Variants in RABGAP1L observed in about 807,000 individuals in gnomAD.
The protein encoded by RABGAP1L is rab GTPase-activating protein 1-like.
A neutral mutation model predicts 137.7 loss-of-function variants in RABGAP1L; 63 were observed. The observed-to-expected ratio is 0.46, with a 90% CI of 0.37 to 0.56. The LOEUF is 0.56. RABGAP1L is among the 20% of genes least tolerant of loss of function. The pLI is 0.00. For missense variants in RABGAP1L, 1,095 were observed against 1,244.0 expected (o/e 0.88, Z 1.80); for synonymous variants, 431 against 433.7 (o/e 0.99, Z 0.08).
chr1:174,165,820 T>G (rs1308499179), intron 1 of RABGAP1L, among the ~76,000 whole-genome samples: 2 of 152,040 alleles, frequency 1.3e-5, no homozygotes, highest in Non-Finnish European at 2.9e-5. Flanking sequence ...CTTTGAAGAA[T>G]GGGTAGGATT....
intron 13 of RABGAP1L, among the ~76,000 whole-genome samples, chr1:174,462,089 A>T (rs1430832443): frequency 6.6e-6 from 1 of 152,136 alleles, no homozygotes; most frequent in African/African-American, 2.4e-5. Flanking sequence ...TTCTTGTAAA[A>T]TATGGTTTTG....
chr1:174,422,582 A>C (rs945292088), intron 13 of RABGAP1L, among the ~76,000 whole-genome samples: 2 of 152,154 alleles, frequency 1.3e-5, no homozygotes, highest in Non-Finnish European at 2.9e-5. Flanking sequence ...ATGCAAATAC[A>C]GGCCCAAGAG....
intron 13 of RABGAP1L, among the ~76,000 whole-genome samples, chr1:174,627,345 C>G (rs1673002549): frequency 6.6e-6 from 1 of 152,172 alleles, no homozygotes; most frequent in Non-Finnish European, 1.5e-5. Flanking sequence ...AGCTGTCTTC[C>G]TAATGCTTGT....
chr1:174,341,693 TAA>T (rs969388167), intron 11 of RABGAP1L, among the ~76,000 whole-genome samples: 2 of 152,220 alleles, frequency 1.3e-5, no homozygotes, highest in African/African-American at 4.8e-5. Flanking sequence ...CTTTGATTTC[TAA>T]AGTTTTAAGC....
At chr1:174,799,904 A>G (rs1573250462) in intron 18 of RABGAP1L, 4 of 989,652 alleles carry the variant, frequency 4.0e-6, no homozygotes, top group Non-Finnish European at 4.8e-6. Flanking sequence ...CTTCTCACAC[A>G]TAGACACGCA....
At chr1:174,802,044 A>G (rs1360198909) in intron 18 of RABGAP1L, among the ~76,000 whole-genome samples, 1 of 152,216 alleles carries the variant, frequency 6.6e-6, no homozygotes, top group Non-Finnish European at 1.5e-5. Context: ...GTAATTAAGA[A>G]TATTTTGCAT....
intron 13 of RABGAP1L, among the ~76,000 whole-genome samples, chr1:174,464,620 C>T (rs1159205500): frequency 6.6e-6 from 1 of 151,914 alleles, no homozygotes; most frequent in East Asian, 1.9e-4. Context: ...CTTTATAGCC[C>T]TGTCTGTTTA....
intron 17 of RABGAP1L, among the ~76,000 whole-genome samples, chr1:174,729,694 C>T (rs761698046): frequency 3.3e-5 from 5 of 152,094 alleles, no homozygotes; most frequent in Non-Finnish European, 5.9e-5. Flanking sequence ...AGAAGACATA[C>T]AAGCAGCCAA....
At chr1:174,595,670 G>T (rs1314943767) in intron 13 of RABGAP1L, among the ~76,000 whole-genome samples, 1 of 147,932 alleles carries the variant, frequency 6.8e-6, no homozygotes, top group African/African-American at 2.5e-5. Flanking sequence ...GCTGCTCGGG[G>T]GTCAGGGGTC....
intron 11 of RABGAP1L, among the ~76,000 whole-genome samples, chr1:174,344,431 G>A (rs1682261531): frequency 6.6e-6 from 1 of 152,162 alleles, no homozygotes; most frequent in African/African-American, 2.4e-5. Flanking sequence ...TAGGGACCTT[G>A]TGTCTAGGAG....
At chr1:174,301,117 G>A (rs2148756265) in intron 10 of RABGAP1L, among the ~76,000 whole-genome samples, 1 of 152,150 alleles carries the variant, frequency 6.6e-6, no homozygotes, top group South Asian at 2.1e-4. Flanking sequence ...ACCTCTGGTT[G>A]GAGGTGGGGT....
chr1:174,684,530 A>G (rs972482635), intron 15 of RABGAP1L, among the ~76,000 whole-genome samples: 1 of 152,210 alleles, frequency 6.6e-6, no homozygotes. Flanking sequence ...ATGTGTCAAA[A>G]ATGCAGGCTT....
chr1:174,989,088 G>C (rs886832185), intron 25 of RABGAP1L, among the ~76,000 whole-genome samples: 1 of 151,760 alleles, frequency 6.6e-6, no homozygotes, highest in African/African-American at 2.4e-5. Context: ...GCATATGCTT[G>C]TTTTTTTTAC....
chr1:174,704,807 T>C (rs1325643424), intron 17 of RABGAP1L, among the ~76,000 whole-genome samples: 1 of 152,198 alleles, frequency 6.6e-6, no homozygotes, highest in South Asian at 2.1e-4. Context: ...TACCTGATTA[T>C]CCAAATTGGT....
At chr1:174,496,052 T>C (rs1660705199) in intron 13 of RABGAP1L, among the ~76,000 whole-genome samples, 1 of 152,202 alleles carries the variant, frequency 6.6e-6, no homozygotes, top group Non-Finnish European at 1.5e-5. Flanking sequence ...GTTTAAATTT[T>C]TTTTTCTATG....
chr1:174,867,426 A>G (rs2149042710), intron 19 of RABGAP1L, among the ~76,000 whole-genome samples: 1 of 152,306 alleles, frequency 6.6e-6, no homozygotes, highest in South Asian at 2.1e-4. Context: ...AGGATACAAC[A>G]TTAAGAGCAA....
At chr1:174,618,603 A>G (rs1008495007) in intron 13 of RABGAP1L, among the ~76,000 whole-genome samples, 4 of 152,216 alleles carry the variant, frequency 2.6e-5, no homozygotes, top group African/African-American at 9.6e-5. Flanking sequence ...AAGAAAAACT[A>G]ACAAACAGAA....
intron 19 of RABGAP1L, 54 bp from the exon 20 acceptor site, chr1:174,957,403 T>G: frequency 6.9e-7 from 1 of 1,441,476 alleles, no homozygotes; most frequent in Non-Finnish European, 9.8e-7. Flanking sequence ...ACACCTGAAT[T>G]TTTTTTCATA....
intron 13 of RABGAP1L, among the ~76,000 whole-genome samples, chr1:174,417,844 T>C (rs1332795412): frequency 6.6e-6 from 1 of 152,184 alleles, no homozygotes. Context: ...CCAAGTCAAA[T>C]AGAAAATGTG....
Sources: gnomAD v4.1 joint callset for allele counts (sites outside exome capture counted in the v4.1 genomes callset) on GRCh38, gnomAD v4.1.1 for gene constraint, MANE v1.5 for transcripts, NCBI Gene and HGNC (gene_info 2026-07-23, HGNC 2026-07-21) for gene names.